Variants in SEM1 observed in about 807,000 individuals in gnomAD.
SEM1 encodes 26S proteasome complex subunit SEM1.
A neutral mutation model predicts 12.7 loss-of-function variants in SEM1; 3 were observed. The observed-to-expected ratio is 0.24, with a 90% CI of 0.11 to 0.61. SEM1 has a LOEUF of 0.61. Ranked by LOEUF, SEM1 falls within the 20% of genes least tolerant of loss-of-function variation. The pLI is 0.88. For synonymous variants in SEM1, 30 were observed against 27.8 expected (o/e 1.08, Z -0.25); for missense variants, 59 against 81.3 (o/e 0.73, Z 1.06).
chr7:96,503,106 C>T (rs1416347940), intron 3 of SEM1, among the ~76,000 whole-genome samples: 1 of 152,156 alleles, frequency 6.6e-6, no homozygotes, highest in Non-Finnish European at 1.5e-5. Flanking sequence ...TATTTCTCTA[C>T]TAGAAGCATA....
At chr7:96,702,907 T>G (rs180798565) in intron 1 of SEM1, among the ~76,000 whole-genome samples, 37 of 152,298 alleles carry the variant, frequency 2.4e-4, no homozygotes, top group Non-Finnish European at 4.3e-4. Context: ...CTACAAAATA[T>G]CTGGCCTGTA....
At chr7:96,674,672 A>C (rs1789407935) in intron 2 of SEM1, among the ~76,000 whole-genome samples, 1 of 152,104 alleles carries the variant, frequency 6.6e-6, no homozygotes, top group African/African-American at 2.4e-5. Context: ...GTCTCAAAAT[A>C]AAAAGTAATA....
chr7:96,684,406 T>A (rs1235163047), downstream of SEM1, among the ~76,000 whole-genome samples: 2 of 151,962 alleles, frequency 1.3e-5, no homozygotes, highest in Non-Finnish European at 2.9e-5. Context: ...GGGAATGGTG[T>A]TGGCTTGCCT....
chr7:96,536,367 C>T (rs980714756), intron 2 of SEM1, among the ~76,000 whole-genome samples: 2 of 151,562 alleles, frequency 1.3e-5, no homozygotes, highest in Admixed American at 6.6e-5. Context: ...TTTCTTGTGA[C>T]CTTGAGAAGA....
At chr7:96,566,859 C>T (rs929241112) in intron 2 of SEM1, among the ~76,000 whole-genome samples, 14 of 151,592 alleles carry the variant, frequency 9.2e-5, no homozygotes, top group Non-Finnish European at 1.5e-4. Flanking sequence ...TTCCAGAAGA[C>T]TAGGCAATTG....
At chr7:96,536,871 ATC>A (rs1204481895) in intron 2 of SEM1, among the ~76,000 whole-genome samples, 1 of 151,698 alleles carries the variant, frequency 6.6e-6, no homozygotes. Flanking sequence ...ACTCTTAACA[ATC>A]TCTGTTTTTA....
At chr7:96,552,237 T>A (rs889690463) in intron 2 of SEM1, among the ~76,000 whole-genome samples, 8 of 151,888 alleles carry the variant, frequency 5.3e-5, no homozygotes, top group Admixed American at 5.2e-4. Flanking sequence ...CATGTGCACA[T>A]TGTGCAGGTT....
At position 96,539,576 on chromosome 7, in the gene SEM1, A is replaced by G. The variant is rs1012877283; in HGVS notation, c.171-32878T>C. Among the ~76,000 whole-genome samples the G allele has an allele frequency of 2.6e-5, 4 of 151,962 alleles. No homozygotes were observed. The East Asian group carries it at 5.8e-4, about 22-fold the overall frequency. ...ATTAGAAATTCTATTTACAACTGGA[A>G]ATGATGGGATCCATATGCATGAAGT... is the stretch of plus-strand genomic sequence containing the variant. On this transcript the variant is annotated intron_variant and NMD_transcript_variant, in intron 2 of 3. Transcript: ENST00000466986.
At chr7:96,687,997 G>A (rs1249426574), downstream of SEM1, 1 of 151,824 alleles carries the variant, frequency 6.6e-6, no homozygotes, top group Non-Finnish European at 1.5e-5. Context: ...CCCCTATTTT[G>A]GTATCTGCAC....
chr7:96,577,009 C>T (rs548265959), intron 2 of SEM1, among the ~76,000 whole-genome samples: 10 of 151,842 alleles, frequency 6.6e-5, no homozygotes, highest in South Asian at 2.1e-4. Flanking sequence ...CCCAGCTACT[C>T]GGGAGGCTGA....
At chr7:96,643,821 T>C (rs912258297) in intron 2 of SEM1, among the ~76,000 whole-genome samples, 1 of 152,054 alleles carries the variant, frequency 6.6e-6, no homozygotes, top group Non-Finnish European at 1.5e-5. Flanking sequence ...GGGGGGTTAG[T>C]GGAGGGATAG....
upstream of SEM1, among the ~76,000 whole-genome samples, chr7:96,498,110 A>G (rs576737148): frequency 6.6e-6 from 1 of 152,304 alleles, no homozygotes; most frequent in Admixed American, 6.5e-5. Context: ...CCTTTCTCCT[A>G]TAAAGCAGGT....
At chr7:96,576,292 G>A (rs865923614) in intron 2 of SEM1, among the ~76,000 whole-genome samples, 1 of 152,092 alleles carries the variant, frequency 6.6e-6, no homozygotes, top group African/African-American at 2.4e-5. Flanking sequence ...TATTTTCCTA[G>A]GTGAGTCCAT....
intron 1 of SEM1, among the ~76,000 whole-genome samples, chr7:96,703,994 CACACACACACACACACAT>C (rs1490564164): frequency 1.4e-5 from 2 of 147,670 alleles, no homozygotes; most frequent in African/African-American, 4.9e-5. Flanking sequence ...CACACACACA[CACACACACACACACACAT>C]ACATAAAAGA....
At chr7:96,614,737 C>G (rs1807652897) in intron 2 of SEM1, among the ~76,000 whole-genome samples, 1 of 152,224 alleles carries the variant, frequency 6.6e-6, no homozygotes, top group African/African-American at 2.4e-5. Flanking sequence ...CTACCTAGTG[C>G]ATATGCTTCA....
intron 2 of SEM1, among the ~76,000 whole-genome samples, chr7:96,565,317 G>T (rs1563063021): frequency 6.6e-6 from 1 of 151,884 alleles, no homozygotes; most frequent in Non-Finnish European, 1.5e-5. Context: ...TAGGTACTTT[G>T]TGCTCTAAAA....
downstream of SEM1, among the ~76,000 whole-genome samples, chr7:96,618,494 C>T (rs951497317): frequency 5.9e-5 from 9 of 152,224 alleles, no homozygotes; most frequent in Non-Finnish European, 1.0e-4. Flanking sequence ...TTTTTTATCC[C>T]TTTTCCCCTT....
chr7:96,628,845 C>T (rs1808156427), intron 2 of SEM1, among the ~76,000 whole-genome samples: 1 of 152,172 alleles, frequency 6.6e-6, no homozygotes, highest in South Asian at 2.1e-4. Context: ...GATGAAATCT[C>T]TCCACTTTTG....
intron 2 of SEM1, among the ~76,000 whole-genome samples, chr7:96,659,253 G>A (rs984053834): frequency 1.3e-5 from 2 of 152,142 alleles, no homozygotes; most frequent in African/African-American, 2.4e-5. Flanking sequence ...GGGAAAATTT[G>A]AAAAGCAACA....
Sources: allele counts gnomAD v4.1 joint callset (sites outside exome capture counted in the v4.1 genomes callset), GRCh38; gene constraint gnomAD v4.1.1; transcripts MANE v1.5; gene names NCBI Gene and HGNC (gene_info 2026-07-23, HGNC 2026-07-21).